Variants in KLF15 observed in about 807,000 individuals in gnomAD.
KLF15 encodes KLF transcription factor 15.
Under a neutral mutation model 24.6 loss-of-function variants are expected in KLF15, and 4 were observed. The observed-to-expected ratio is 0.16, with a 90% CI of 0.08 to 0.37. The LOEUF is 0.37. KLF15 is among the 10% of genes least tolerant of loss of function. The pLI is 1.00. For synonymous variants in KLF15, 246 were observed against 236.3 expected (o/e 1.04, Z -0.37); for missense variants, 496 against 560.6 (o/e 0.88, Z 1.16).
chr3:126,300,922 G>C, the KLF15 span, among the ~76,000 whole-genome samples: 1 of 152,202 alleles, frequency 6.6e-6, no homozygotes, highest in East Asian at 1.9e-4. Flanking sequence ...TTGAGGGCAG[G>C]GAAGTGATCC....
chr3:126,312,942 C>T, the KLF15 span, among the ~76,000 whole-genome samples: 2 of 152,148 alleles, frequency 1.3e-5, no homozygotes, highest in African/African-American at 4.8e-5. Context: ...TCCCAGCTCC[C>T]CTTTTATGAA....
chr3:126,312,301 G>A, the KLF15 span, among the ~76,000 whole-genome samples: 1 of 152,156 alleles, frequency 6.6e-6, no homozygotes, highest in African/African-American at 2.4e-5. Flanking sequence ...AGCCTCCTGA[G>A]TAGCTGGGAC....
the KLF15 span, among the ~76,000 whole-genome samples, chr3:126,330,213 C>G: frequency 6.6e-6 from 1 of 152,204 alleles, no homozygotes; most frequent in Non-Finnish European, 1.5e-5. Context: ...TCCCTCGTTC[C>G]CCACAGACAC....
chr3:126,314,034 C>T, the KLF15 span, among the ~76,000 whole-genome samples: 1 of 152,336 alleles, frequency 6.6e-6, no homozygotes, highest in East Asian at 1.9e-4. Context: ...GAGACAGAAA[C>T]TGCATGTGGC....
the KLF15 span, chr3:126,294,161 G>A: frequency 1.3e-5 from 2 of 152,366 alleles, no homozygotes; most frequent in Admixed American, 6.5e-5. Flanking sequence ...CCACAGAAGT[G>A]ATGTGCATTT....
At chr3:126,318,193 C>T in the KLF15 span, among the ~76,000 whole-genome samples, 8 of 152,176 alleles carry the variant, frequency 5.3e-5, no homozygotes, top group Non-Finnish European at 1.0e-4. Context: ...TTGCGACAAC[C>T]TCACTCTGAG....
chr3:126,301,160 C>T, the KLF15 span, among the ~76,000 whole-genome samples: 1 of 152,206 alleles, frequency 6.6e-6, no homozygotes, highest in Non-Finnish European at 1.5e-5. Flanking sequence ...ACTTTTCTTC[C>T]TGCCCCATCA....
At chr3:126,307,088 T>C in the KLF15 span, among the ~76,000 whole-genome samples, 1 of 152,138 alleles carries the variant, frequency 6.6e-6, no homozygotes, top group African/African-American at 2.4e-5. Flanking sequence ...TGATGTCACC[T>C]CCTTTACATA....
In KLF15 at chr3:126,343,457, C is replaced by T; in HGVS notation, c.*270G>A. 5.3e-6 allele frequency: 2 copies of T among 379,234 alleles called. No homozygotes were observed. Among genetic ancestry groups the T allele is most frequent in the Middle Eastern group, 7.1e-4 (1 of 1,418 alleles). 23.5% of individuals were successfully genotyped at this position (379,234 alleles called of 1,614,324 possible). On this transcript the variant is annotated 3_prime_UTR_variant, in exon 3 of 3. Transcript: ENST00000296233. ...GCGGCTGCAGCAGAGGCCTGGCCAC[C>T]GCGGGAAGGCACGAAGGCACGAAGG...
the KLF15 span, among the ~76,000 whole-genome samples, chr3:126,296,348 C>T: frequency 0.016 from 2,383 of 152,246 alleles, 31 homozygotes; most frequent in Middle Eastern, 0.037. Flanking sequence ...GCTGGGACTA[C>T]AGGCGCCCAC....
chr3:126,288,574 CT>C, the KLF15 span, among the ~76,000 whole-genome samples: 1 of 152,254 alleles, frequency 6.6e-6, no homozygotes, highest in Non-Finnish European at 1.5e-5. Context: ...TACCAGCGGC[CT>C]CCCGGACACC....
At chr3:126,302,704 A>G in the KLF15 span, among the ~76,000 whole-genome samples, 1 of 152,192 alleles carries the variant, frequency 6.6e-6, no homozygotes. Context: ...ATATTGATAT[A>G]TAATAGCTAC....
intron 2 of KLF15, among the ~76,000 whole-genome samples, chr3:126,345,983 C>A (rs1475199622): frequency 1.3e-5 from 2 of 152,214 alleles, no homozygotes; most frequent in African/African-American, 2.4e-5. Context: ...AAGACAGGGC[C>A]CCTGAGGCTG....
At chr3:126,293,657 T>C in the KLF15 span, among the ~76,000 whole-genome samples, 1 of 152,272 alleles carries the variant, frequency 6.6e-6, no homozygotes, top group Non-Finnish European at 1.5e-5. Flanking sequence ...CAGAAAGTGC[T>C]CATGGTGGTG....
chr3:126,313,838 C>G, the KLF15 span, among the ~76,000 whole-genome samples: 1 of 152,256 alleles, frequency 6.6e-6, no homozygotes, highest in African/African-American at 2.4e-5. Flanking sequence ...GGTCCTTACA[C>G]TGGGGCACGT....
At chr3:126,309,015 T>C in the KLF15 span, among the ~76,000 whole-genome samples, 2 of 152,072 alleles carry the variant, frequency 1.3e-5, no homozygotes, top group African/African-American at 4.8e-5. Flanking sequence ...TGTGGCACCA[T>C]AAGACTCACA....
At chr3:126,345,374 A>G (rs2107551911) in intron 2 of KLF15, among the ~76,000 whole-genome samples, 1 of 152,244 alleles carries the variant, frequency 6.6e-6, no homozygotes, top group Admixed American at 6.5e-5. Flanking sequence ...AATGCCTGGT[A>G]TATGGTAGGT....
At chr3:126,316,697 C>T in the KLF15 span, among the ~76,000 whole-genome samples, 3 of 145,354 alleles carry the variant, frequency 2.1e-5, no homozygotes, top group South Asian at 4.4e-4. Flanking sequence ...GTCCACAGGC[C>T]GGAGTGGGGA....
At chr3:126,304,837 G>A in the KLF15 span, among the ~76,000 whole-genome samples, 6 of 152,210 alleles carry the variant, frequency 3.9e-5, no homozygotes, top group African/African-American at 1.2e-4. Context: ...TTGGCTGCAA[G>A]TAACAGACAA....
Sources: allele counts gnomAD v4.1 joint callset (sites outside exome capture counted in the v4.1 genomes callset), GRCh38; gene constraint gnomAD v4.1.1; transcripts MANE v1.5; gene names NCBI Gene and HGNC (gene_info 2026-07-23, HGNC 2026-07-21).